The following FAM98A variants were observed in gnomAD, a reference collection of about 807,000 sequenced individuals.
FAM98A encodes tRNA splicing ligase complex subunit 3A, also known as protein FAM98A.
A neutral mutation model predicts 62.9 loss-of-function variants in FAM98A; 25 were observed. That is an observed-to-expected ratio of 0.40 (90% CI 0.29 to 0.56). The LOEUF is 0.56. FAM98A is among the 20% of genes least tolerant of loss of function. FAM98A has a pLI of 0.51. For missense variants in FAM98A, 653 were observed against 640.7 expected (o/e 1.02, Z -0.21); for synonymous variants, 252 against 228.6 (o/e 1.10, Z -0.92).
At chr2:33,588,548 TGA>T in intron 3 of FAM98A, 29 bp from the exon 4 acceptor site, 1 of 1,586,240 alleles carries the variant, frequency 6.3e-7, no homozygotes, top group Non-Finnish European at 8.6e-7. Context: ...GATTTCAAAA[TGA>T]GATACAGCTA....
intron 4 of FAM98A, 33 bp from the exon 5 acceptor site, chr2:33,587,353 C>T (rs1380190747): frequency 1.3e-6 from 2 of 1,486,698 alleles, no homozygotes; most frequent in African/African-American, 2.8e-5. Context: ...TGAATAAAAA[C>T]TCTAAAAGTA....
intron 1 of FAM98A, among the ~76,000 whole-genome samples, chr2:33,596,362 G>A (rs571165237): frequency 9.9e-5 from 15 of 152,204 alleles, no homozygotes; most frequent in African/African-American, 3.1e-4. Context: ...ATGAACTGGC[G>A]CATCTGAATC....
chr2:33,585,450 G>A lies in FAM98A; in HGVS notation c.889-6C>T, dbSNP rs750687092. 4.3e-6 allele frequency: 7 copies of A among 1,613,696 alleles called. No individual in the cohort carries two copies. In the South Asian group the frequency reaches 4.4e-5, roughly 10 times the overall value. ...GGCACCCTGCCCATCAACACCTACA[G>A]AATAGGAAAGATATTTTAAACTTTT... is the stretch of plus-strand genomic sequence containing the variant. On this transcript the variant is annotated splice_region_variant and splice_polypyrimidine_tract_variant and intron_variant, in intron 7 of 7. Transcript: ENST00000238823.
At chr2:33,597,783 G>T (rs1413078118) in intron 1 of FAM98A, among the ~76,000 whole-genome samples, 1 of 152,074 alleles carries the variant, frequency 6.6e-6, no homozygotes. Context: ...TCCCAGTAAA[G>T]GGACCCTCCT....
Position 33,584,744 on chromosome 2 carries a change from T to A in FAM98A, c.*32A>T. 2 of 1,528,106 alleles carry A rather than the reference T, an allele frequency of 1.3e-6. No individual in the cohort carries two copies. The highest frequency in any genetic ancestry group is 2.3e-5 in the East Asian group (1 of 43,938). 94.7% of individuals were successfully genotyped at this position (1,528,106 alleles called of 1,614,324 possible). ...ATTCTGAAACTAAGTTTCTATTACT[T>A]GAGCTCTAGCAAAATGTAAGGTTCG... On this transcript the variant is annotated 3_prime_UTR_variant, in exon 8 of 8. Coordinates refer to ENST00000238823, the MANE Select transcript of FAM98A (RefSeq NM_015475.5).
At chr2:33,587,672 C>A (rs913169269) in intron 4 of FAM98A, 5 of 238,044 alleles carry the variant, frequency 2.1e-5, no homozygotes, top group Non-Finnish European at 4.2e-5. Context: ...TGGTCTACCC[C>A]ACAATGCAAA....
chr2:33,599,299 T>C lies in FAM98A; in HGVS notation c.-78A>G. On this transcript the variant is annotated 5_prime_UTR_variant, in exon 1 of 8. Transcript: ENST00000238823. ...ACGCGTACACTCGCGCATGCGCGAC[T>C]TCCCCGGAACTTCCAAATCCACAGC... is the stretch of plus-strand genomic sequence containing the variant. 8.1e-7 allele frequency: 1 copy of C among 1,238,064 alleles called. No homozygotes were observed. The highest frequency in any genetic ancestry group is 1.2e-5 in the South Asian group (1 of 83,740). The allele number at this position is 1,238,064 out of a possible 1,614,324, so 76.7% of individuals were successfully genotyped here. A position where few individuals can be genotyped will look rare whatever the true frequency, so the allele number is the denominator to read the frequency against.
rs747938716 is a variant in FAM98A, at chr2:33,592,062, T to C, written c.337+18A>G. The C allele has an allele frequency of 4.4e-6, 7 of 1,606,016 alleles. No individual in the cohort carries two copies. The highest frequency in any genetic ancestry group is 2.2e-5 in the East Asian group (1 of 44,860). ...TAAACAGAAAGTAATAGCTATATTC[T>C]AGTAGCCATGAACTTACTGAGCAAG... On this transcript the variant is annotated intron_variant, in intron 3 of 7. Transcript: ENST00000238823.
chr2:33,591,194 A>G (rs1330674269), intron 3 of FAM98A, among the ~76,000 whole-genome samples: 1 of 120,246 alleles, frequency 8.3e-6, no homozygotes, highest in African/African-American at 2.6e-5. Flanking sequence ...GGCTATGAAC[A>G]CTTTTTTTTT....
chr2:33,598,356 T>A (rs1369169229), intron 1 of FAM98A, among the ~76,000 whole-genome samples: 1 of 152,204 alleles, frequency 6.6e-6, no homozygotes, highest in Non-Finnish European at 1.5e-5. Context: ...GGAACCACAT[T>A]TAGCCCAAGA....
chr2:33,589,679 T>C (rs148942117), intron 3 of FAM98A: 2 of 152,316 alleles, frequency 1.3e-5, no homozygotes, highest in African/African-American at 4.8e-5. Flanking sequence ...ACATGTTCCA[T>C]ACAGCAAACT....
In FAM98A at chr2:33,585,355, T is replaced by C. The variant is rs1315238905; in HGVS notation, c.978A>G (p.Gln326=). 3 of 1,614,192 alleles carry C rather than the reference T, an allele frequency of 1.9e-6. No individual in the cohort carries two copies. The highest frequency in any genetic ancestry group is 1.1e-5 in the South Asian group (1 of 91,074). The change falls in exon 8 of 8, where the codon CAA becomes CAG. Residue 326 remains glutamine (Q), a synonymous_variant. Coordinates refer to ENST00000238823, the MANE Select transcript of FAM98A (RefSeq NM_015475.5). ...PPEMPPWQKR[Q]DGPQQQTGGR... Reference sequence around the variant, plus strand: ...CTCCTGTTTGCTGCTGGGGGCCATCTTGCCTCTTCTGCCACGGTGGCATCT... The same window carrying C: ...CTCCTGTTTGCTGCTGGGGGCCATCCTGCCTCTTCTGCCACGGTGGCATCT...
intron 6 of FAM98A, 46 bp from the exon 7 acceptor site, chr2:33,585,743 G>A (rs747621247): frequency 1.3e-6 from 2 of 1,545,604 alleles, no homozygotes; most frequent in South Asian, 1.2e-5. Flanking sequence ...TTTTCAAAAT[G>A]ACATAAGAAA....
At chr2:33,586,762 T>A in intron 5 of FAM98A, 84 bp from the exon 6 acceptor site, 2 of 809,172 alleles carry the variant, frequency 2.5e-6, no homozygotes, top group South Asian at 2.8e-5. Context: ...GTCTGTGTCA[T>A]TCATAACTGA....
chr2:33,591,954 T>A (rs1263810446), intron 3 of FAM98A, 126 bp downstream of exon 3: 2 of 917,786 alleles, frequency 2.2e-6, no homozygotes, highest in Admixed American at 2.4e-5. Context: ...AAGAAAGTTT[T>A]ATTTTAAAAT....
intron 1 of FAM98A, among the ~76,000 whole-genome samples, chr2:33,598,868 T>A (rs1677881241): frequency 6.6e-6 from 1 of 151,690 alleles, no homozygotes; most frequent in Non-Finnish European, 1.5e-5. Context: ...GGAGAGAAGC[T>A]CGGGGAGTGG....
Position 33,584,829 on chromosome 2 carries a change from C to T in FAM98A, c.1504G>A (p.Gly502Ser). Reference sequence around the variant, plus strand: ...AATCCAGAATGATTATACTGATAACCTCCATGCTGGAAATGCTGTTCAAAT... The same window carrying T: ...AATCCAGAATGATTATACTGATAACTTCCATGCTGGAAATGCTGTTCAAAT... ...GQFEQHFQHG[G>S]YQYNHSGFGQ... The change falls in exon 8 of 8, where the codon GGT becomes AGT. Residue 502 changes from glycine (G) to serine (S), a missense_variant. By Grantham distance (56) the Gly-to-Ser change is moderately conservative (BLOSUM62 0). Transcript: ENST00000238823. The T allele has an allele frequency of 6.2e-7, 1 of 1,614,034 alleles. No individual in the cohort carries two copies. Among genetic ancestry groups the T allele is most frequent in the Non-Finnish European group, 8.5e-7 (1 of 1,179,938 alleles).
chr2:33,596,969 T>C (rs1399816146), intron 1 of FAM98A, among the ~76,000 whole-genome samples: 1 of 151,838 alleles, frequency 6.6e-6, no homozygotes. Context: ...TCAAACCCTT[T>C]AAAATATGAT....
At position 33,585,105 on chromosome 2, in the gene FAM98A, G is replaced by A. The variant is rs141293403; in HGVS notation, c.1228C>T (p.His410Tyr). 6 of 1,614,162 alleles carry A rather than the reference G, an allele frequency of 3.7e-6. No homozygotes were observed. The highest frequency in any genetic ancestry group is 5.1e-6 in the Non-Finnish European group (6 of 1,180,030). Residue 410 changes from histidine (H) to tyrosine (Y), a missense_variant, in exon 8 of 8, where the codon CAT becomes TAT. Physicochemically the swap from His to Tyr is moderately conservative, Grantham distance 83. Coordinates refer to ENST00000238823, the MANE Select transcript of FAM98A (RefSeq NM_015475.5). ...RDSGFQPGGY[H>Y]GGHSSGGYQG... ...TAGCCACCACTGCTGTGGCCACCAT[G>A]ATAGCCACCTGGCTGGAAACCTGAA...
Sources: gnomAD v4.1 joint callset for allele counts (sites outside exome capture counted in the v4.1 genomes callset) on GRCh38, gnomAD v4.1.1 for gene constraint, MANE v1.5 for transcripts, NCBI Gene and HGNC (gene_info 2026-07-23, HGNC 2026-07-21) for gene names.